Variants in SHANK2 observed in about 807,000 individuals in gnomAD.
The protein encoded by SHANK2 is SH3 and multiple ankyrin repeat domains 2, also known as SH3 and multiple ankyrin repeat domains protein 2.
A neutral mutation model predicts 133.7 loss-of-function variants in SHANK2; 43 were observed. The observed-to-expected ratio is 0.32, with a 90% confidence interval of 0.25 to 0.41. The LOEUF (loss-of-function observed/expected upper bound fraction) is 0.41. Among genes scored for constraint, SHANK2 ranks in the 10% least tolerant of loss-of-function variants. The pLI, the probability that SHANK2 is intolerant of heterozygous loss-of-function variation, is 1.00. For synonymous variants in SHANK2, 1,017 were observed against 952.8 expected (o/e 1.07, Z -1.24); for missense variants, 1,994 against 2,235.8 (o/e 0.89, Z 2.18).
intron 3 of SHANK2, among the ~76,000 whole-genome samples, chr11:71,137,395 A>T (rs1284512698): frequency 6.6e-6 from 1 of 151,208 alleles, no homozygotes; most frequent in African/African-American, 2.4e-5. Context: ...CGGTCATAGC[A>T]TTGGTTTTGC....
intron 2 of SHANK2, among the ~76,000 whole-genome samples, chr11:71,180,576 G>C (rs1364549192): frequency 2.6e-5 from 4 of 152,114 alleles, no homozygotes; most frequent in African/African-American, 9.7e-5. Context: ...CACACACAAA[G>C]TTCAGTTTCT....
intron 2 of SHANK2, among the ~76,000 whole-genome samples, chr11:71,171,271 G>T (rs989299952): frequency 6.6e-6 from 1 of 152,216 alleles, no homozygotes; most frequent in African/African-American, 2.4e-5. Context: ...GCGACGGGCT[G>T]TCTGCAGGCT....
chr11:71,155,110 C>A (rs1952878017), intron 2 of SHANK2, among the ~76,000 whole-genome samples: 1 of 128,810 alleles, frequency 7.8e-6, no homozygotes, highest in African/African-American at 3.0e-5. Context: ...GCCCACGCTC[C>A]CGGAGGAGGG....
At chr11:71,084,612 G>A (rs1050901915) in intron 8 of SHANK2, among the ~76,000 whole-genome samples, 6 of 152,238 alleles carry the variant, frequency 3.9e-5, no homozygotes, top group East Asian at 1.9e-4. Context: ...CTGAGAGCTC[G>A]GAGGTGCTTC....
chr11:71,174,050 C>A (rs1953370001), intron 2 of SHANK2, among the ~76,000 whole-genome samples: 1 of 152,236 alleles, frequency 6.6e-6, no homozygotes, highest in African/African-American at 2.4e-5. Flanking sequence ...AAGCCCAATA[C>A]ATCGAGGCTT....
intron 2 of SHANK2, among the ~76,000 whole-genome samples, chr11:71,183,248 G>A (rs535732982): frequency 2.0e-5 from 3 of 152,320 alleles, no homozygotes; most frequent in African/African-American, 7.2e-5. Context: ...GGAGGGACAA[G>A]GGGCAAAGGT....
intron 17 of SHANK2, among the ~76,000 whole-genome samples, chr11:70,628,424 C>G (rs986694067): frequency 8.5e-5 from 13 of 152,142 alleles, no homozygotes; most frequent in Non-Finnish European, 1.8e-4. Context: ...TCTGTCCTAC[C>G]CAGGCCTCGG....
intron 17 of SHANK2, among the ~76,000 whole-genome samples, chr11:70,523,428 C>A (rs1359348631): frequency 3.3e-5 from 5 of 152,238 alleles, no homozygotes; most frequent in Admixed American, 2.6e-4. Context: ...TGGCCCTCAT[C>A]AGCTCTATCT....
chr11:70,610,096 C>G (rs945673391), intron 17 of SHANK2, among the ~76,000 whole-genome samples: 1 of 144,580 alleles, frequency 6.9e-6, no homozygotes, highest in African/African-American at 2.6e-5. Context: ...CCTTTTGGGG[C>G]GGTTAACTAG....
chr11:70,716,286 G>A (rs1399010582), intron 14 of SHANK2, among the ~76,000 whole-genome samples: 3 of 152,188 alleles, frequency 2.0e-5, no homozygotes, highest in Non-Finnish European at 4.4e-5. Context: ...CCCAAGAGAG[G>A]GCCCAGGAGG....
intron 2 of SHANK2, among the ~76,000 whole-genome samples, chr11:71,223,746 C>G (rs568422464): frequency 3.3e-5 from 5 of 152,208 alleles, no homozygotes; most frequent in African/African-American, 1.2e-4. Context: ...GCTTCTTGGG[C>G]AGGCCCGTGC....
chr11:70,542,689 G>A (rs577932370), intron 17 of SHANK2, among the ~76,000 whole-genome samples: 2 of 152,274 alleles, frequency 1.3e-5, no homozygotes, highest in South Asian at 4.2e-4. Flanking sequence ...GTTGGCAAAC[G>A]ACTCAGAAGT....
intron 11 of SHANK2, among the ~76,000 whole-genome samples, chr11:70,883,467 C>A (rs1949688802): frequency 6.6e-6 from 1 of 152,186 alleles, no homozygotes; most frequent in African/African-American, 2.4e-5. Flanking sequence ...GTCCACCTGA[C>A]CCCTGGACCT....
intron 14 of SHANK2, among the ~76,000 whole-genome samples, chr11:70,748,808 C>T (rs1555036841): frequency 1.3e-5 from 2 of 152,134 alleles, no homozygotes; most frequent in African/African-American, 4.8e-5. Flanking sequence ...CCACTAGTGC[C>T]GAATAAGCTG....
At chr11:71,187,329 C>G (rs181964980) in intron 2 of SHANK2, among the ~76,000 whole-genome samples, 1 of 151,554 alleles carries the variant, frequency 6.6e-6, no homozygotes, top group Non-Finnish European at 1.5e-5. Flanking sequence ...CAGTTCTTCA[C>G]GGGTTTCTCA....
In SHANK2 at chr11:70,502,077, C is replaced by T. The variant is rs782630994; in HGVS notation, c.2278+129G>A. 818 of 1,316,282 alleles carry T rather than the reference C, an allele frequency of 6.2e-4. 2 individuals are homozygous for T. Among genetic ancestry groups the T allele is most frequent in the Non-Finnish European group, 8.2e-4 (766 of 933,866 alleles). 81.5% of individuals were successfully genotyped at this position (1,316,282 alleles called of 1,614,324 possible). A position where few individuals can be genotyped will look rare whatever the true frequency, so the allele number is the denominator to read the frequency against. On this transcript the variant is annotated intron_variant, in intron 19 of 25. Transcript: ENST00000601538. ...GCATGCAGGGGCATTTCCTGATGCA[C>T]GTCTGGGTACAGGGGCAGGAGGGGG...
chr11:71,210,222 A>G lies in SHANK2; in HGVS notation c.-13+14475T>C, dbSNP rs199929023. Among the ~76,000 whole-genome samples, 217 of 60,142 alleles carry G rather than the reference A, an allele frequency of 3.6e-3. 4 individuals are homozygous for G. Among genetic ancestry groups the G allele is most frequent in the East Asian group, 0.023 (42 of 1,818 alleles). The allele number at this position is 60,142 out of a possible 152,430, so 39.5% of individuals were successfully genotyped here. On this transcript the variant is annotated intron_variant, in intron 2 of 25. Coordinates refer to ENST00000601538, the MANE Select transcript of SHANK2 (RefSeq NM_012309.5). The stretch of plus-strand genomic sequence containing the variant: ...TGGAAATCCACAGGTATATATATAT[A>G]TATATATATATATATATATATATAT...
At chr11:70,946,022 C>T (rs1950722244) in intron 10 of SHANK2, among the ~76,000 whole-genome samples, 1 of 150,734 alleles carries the variant, frequency 6.6e-6, no homozygotes, top group Non-Finnish European at 1.5e-5. Context: ...CGCCCTCCCT[C>T]TCCACTAACC....
chr11:71,177,329 T>G (rs1555113243), intron 2 of SHANK2, among the ~76,000 whole-genome samples: 2 of 152,174 alleles, frequency 1.3e-5, no homozygotes, highest in African/African-American at 2.4e-5. Context: ...AGGAAAAAAA[T>G]GTATCATGGG....
Sources: gnomAD v4.1 joint callset for allele counts (sites outside exome capture counted in the v4.1 genomes callset) on GRCh38, gnomAD v4.1.1 for gene constraint, MANE v1.5 for transcripts, NCBI Gene and HGNC (gene_info 2026-07-23, HGNC 2026-07-21) for gene names.